The following EEA1 variants were observed in gnomAD, a reference collection of about 807,000 sequenced individuals.
EEA1 encodes the protein early endosome antigen 1, also known as early endosome antigen 1, 162kD.
Under a neutral mutation model 209.2 loss-of-function variants are expected in EEA1, and 111 were observed. The observed-to-expected ratio is 0.53, with a 90% confidence interval of 0.45 to 0.62. The LOEUF (loss-of-function observed/expected upper bound fraction) is 0.62. Among genes scored for constraint, EEA1 ranks in the 20% least tolerant of loss-of-function variants. The probability of loss-of-function intolerance (pLI) is 0.00; values close to 1 mark genes in which losing one functional copy is unlikely to be tolerated. For missense variants in EEA1, 1,343 were observed against 1,530.8 expected, an observed-to-expected ratio of 0.88 and a Z score of 2.05; for synonymous variants, 536 against 540.6, an observed-to-expected ratio of 0.99 and a Z score of 0.12.
chr12:92,914,115 C>T (rs989224662), intron 1 of EEA1, among the ~76,000 whole-genome samples: 5 of 151,990 alleles, frequency 3.3e-5, no homozygotes, highest in African/African-American at 9.7e-5. Context: ...ATCCTTTCCC[C>T]GCTGCATTTC....
intron 22 of EEA1, among the ~76,000 whole-genome samples, chr12:92,787,352 TTATC>T (rs1028840124): frequency 2.0e-5 from 3 of 152,152 alleles, no homozygotes; most frequent in Non-Finnish European, 2.9e-5. Context: ...ACTTGATACT[TTATC>T]TAATCAAATA....
intron 2 of EEA1, among the ~76,000 whole-genome samples, chr12:92,866,538 A>T (rs1326973167): frequency 1.0e-3 from 148 of 147,692 alleles, no homozygotes; most frequent in African/African-American, 1.8e-3. Flanking sequence ...TGATTCTATA[A>T]AAAAAAAAAA....
Position 92,784,319 on chromosome 12 carries a change from G to C in EEA1, c.3151-2184C>G. Among the ~76,000 whole-genome samples the C allele has an allele frequency of 1.3e-5, 2 of 152,100 alleles. 1 individual carries two copies. Among genetic ancestry groups the C allele is most frequent in the East Asian group, 3.9e-4 (2 of 5,192 alleles). On this transcript the variant is annotated intron_variant, in intron 22 of 28. Coordinates refer to ENST00000322349, the MANE Select transcript of EEA1 (RefSeq NM_003566.4). The stretch of plus-strand genomic sequence containing the variant: ...GTGAGTGTGAGATGCTGTGGAGTGG[G>C]GTTTACAGAAGGCTCTATACCACAT...
At chr12:92,913,649 G>A (rs1338949848) in intron 1 of EEA1, among the ~76,000 whole-genome samples, 3 of 151,976 alleles carry the variant, frequency 2.0e-5, no homozygotes, top group African/African-American at 4.8e-5. Flanking sequence ...TTTACTTCCA[G>A]GTTTTTTGTT....
intron 1 of EEA1, among the ~76,000 whole-genome samples, chr12:92,923,854 A>G (rs1881108224): frequency 6.6e-6 from 1 of 151,882 alleles, no homozygotes; most frequent in African/African-American, 2.4e-5. Flanking sequence ...ACAAAAAAAA[A>G]AAAAAAAAAT....
intron 10 of EEA1, among the ~76,000 whole-genome samples, chr12:92,834,546 TAAAAAAAAAAA>T (rs5800089): frequency 1.3e-5 from 1 of 74,422 alleles, no homozygotes; most frequent in Non-Finnish European, 2.4e-5. Flanking sequence ...ACCCTGTCAC[TAAAAAAAAAAA>T]AAAAAAAAAA....
intron 9 of EEA1, among the ~76,000 whole-genome samples, chr12:92,843,569 C>T (rs887708218): frequency 2.1e-4 from 32 of 151,882 alleles, no homozygotes; most frequent in Admixed American, 4.6e-4. Flanking sequence ...TAATAAATTT[C>T]GAATACATAA....
intron 2 of EEA1, among the ~76,000 whole-genome samples, chr12:92,866,256 A>G (rs142718847): frequency 6.6e-5 from 10 of 151,840 alleles, no homozygotes; most frequent in African/African-American, 2.2e-4. Context: ...ATTTTTTTAA[A>G]ATAGTAATTA....
At chr12:92,867,323 C>A (rs1428215949) in intron 2 of EEA1, among the ~76,000 whole-genome samples, 1 of 152,180 alleles carries the variant, frequency 6.6e-6, no homozygotes, top group African/African-American at 2.4e-5. Context: ...CCTATACTCA[C>A]TGTAATACAC....
chr12:92,823,207 C>G (rs1245262920), intron 13 of EEA1, among the ~76,000 whole-genome samples: 1 of 152,182 alleles, frequency 6.6e-6, no homozygotes, highest in Non-Finnish European at 1.5e-5. Context: ...AAAAGCAAAT[C>G]TGACTATGGC....
chr12:92,851,115 G>A lies in EEA1; in HGVS notation c.794C>T (p.Ser265Leu). The A allele has an allele frequency of 6.2e-7, 1 of 1,613,476 alleles. No homozygotes were observed. The highest frequency in any genetic ancestry group is 8.5e-7 in the Non-Finnish European group (1 of 1,179,818). ...CKKLQSQYAS[S>L]EATISQLRSE... ...AAGTACAATGAACTTCATTACCTCT[G>A]AGCTAGCATATTGTGACTGCAATTT... Residue 265 changes from serine to leucine, a missense_variant, in exon 9 of 29, where the codon TCA (serine) becomes TTA (leucine). Around this residue, in one of 3 missense-constraint regions of EEA1, gnomAD observed 1,307 missense variants for 1,465.5 expected, o/e 0.89. Coordinates refer to ENST00000322349, the MANE Select transcript of EEA1 (RefSeq NM_003566.4).
intron 8 of EEA1, 86 bp from the exon 9 acceptor site, chr12:92,851,352 C>A: frequency 7.6e-7 from 1 of 1,307,752 alleles, no homozygotes; most frequent in African/African-American, 1.5e-5. Flanking sequence ...ACAAAGGAAT[C>A]AAAAGGGAAA....
At chr12:92,921,937 CA>C (rs1881027196) in intron 1 of EEA1, among the ~76,000 whole-genome samples, 2 of 150,112 alleles carry the variant, frequency 1.3e-5, no homozygotes, top group Non-Finnish European at 3.0e-5. Flanking sequence ...TGACAGATTA[CA>C]TTAATGCATT....
chr12:92,811,230 T>G, intron 17 of EEA1, 49 bp downstream of exon 17: 2 of 1,245,950 alleles, frequency 1.6e-6, no homozygotes, highest in Non-Finnish European at 2.1e-6. Flanking sequence ...GAGATTCCAT[T>G]GCTACTGAAG....
chr12:92,905,724 A>C (rs1023888680), intron 1 of EEA1: 7 of 152,186 alleles, frequency 4.6e-5, no homozygotes, highest in Non-Finnish European at 8.8e-5. Context: ...ACTATCAAAG[A>C]AGCAAACACA....
chr12:92,782,081 G>C lies in EEA1; in HGVS notation c.3205C>G (p.Gln1069Glu). ...ATCAATTTATTTTGATTTCCAATTT[G>C]ATTTCTGTTTGAAATCAAGTCCTCC... ...AQEDLISNRN[Q>E]IGNQNKLIQE... is the part of the protein sequence containing the mutation. The change falls in exon 23 of 29, where the codon CAA becomes GAA. Residue 1069 changes from glutamine (Q) to glutamate (E), a missense_variant. Gln to Glu is a conservative substitution (Grantham distance 29). Transcript: ENST00000322349. 1 of 1,612,394 alleles carries C rather than the reference G, an allele frequency of 6.2e-7. No homozygotes were observed. Among genetic ancestry groups the C allele is most frequent in the Non-Finnish European group, 8.5e-7 (1 of 1,178,998 alleles).
intron 22 of EEA1, among the ~76,000 whole-genome samples, chr12:92,784,521 A>G (rs1014210750): frequency 3.3e-5 from 5 of 152,322 alleles, no homozygotes; most frequent in African/African-American, 1.2e-4. Flanking sequence ...CCTAACCTCT[A>G]ACCACAAGAT....
intron 1 of EEA1, among the ~76,000 whole-genome samples, chr12:92,922,448 A>T (rs1342278174): frequency 6.6e-6 from 1 of 152,244 alleles, no homozygotes; most frequent in Non-Finnish European, 1.5e-5. Flanking sequence ...TTCTGATTCA[A>T]TTGAGAAACT....
intron 9 of EEA1, among the ~76,000 whole-genome samples, chr12:92,849,463 T>C (rs1454202323): frequency 6.6e-6 from 1 of 152,200 alleles, no homozygotes; most frequent in African/African-American, 2.4e-5. Context: ...ATCATTGTCT[T>C]CTGCTGATTA....
Sources: allele counts gnomAD v4.1 joint callset (sites outside exome capture counted in the v4.1 genomes callset), GRCh38; gene constraint gnomAD v4.1.1; regional missense constraint gnomAD v4.1.1; transcripts MANE v1.5; gene names NCBI Gene and HGNC (gene_info 2026-07-23, HGNC 2026-07-21).